PDE8A: variants seen among roughly 807,000 people sequenced by gnomAD.
PDE8A encodes phosphodiesterase 8A.
A neutral mutation model predicts 105.0 loss-of-function variants in PDE8A; 59 were observed. The ratio of observed to expected loss-of-function variants is 0.56; its 90% CI spans 0.46 to 0.70. The LOEUF (loss-of-function observed/expected upper bound fraction) is 0.70, where lower values mean the gene tolerates loss of function less well. Ranked by LOEUF, PDE8A falls within the 30% of genes least tolerant of loss-of-function variation. PDE8A has a pLI of 0.00. For missense variants in PDE8A, 1,014 were observed against 1,045.9 expected, an observed-to-expected ratio of 0.97 and a Z score of 0.42; for synonymous variants, 355 against 371.9, an observed-to-expected ratio of 0.95 and a Z score of 0.52.
At chr15:85,133,637 A>G (rs1490003377) in intron 20 of PDE8A, among the ~76,000 whole-genome samples, 4 of 152,170 alleles carry the variant, frequency 2.6e-5, no homozygotes, top group Non-Finnish European at 5.9e-5. Context: ...CATTTCATGG[A>G]GAAATGAGGA....
chr15:85,050,346 T>C (rs1394829394), intron 1 of PDE8A, among the ~76,000 whole-genome samples: 1 of 152,174 alleles, frequency 6.6e-6, no homozygotes, highest in Non-Finnish European at 1.5e-5. Flanking sequence ...CTTTTTTCTT[T>C]TGCTGCCTGT....
At chr15:85,136,302 A>G (rs1431496147) in intron 20 of PDE8A, among the ~76,000 whole-genome samples, 1 of 152,188 alleles carries the variant, frequency 6.6e-6, no homozygotes, top group Non-Finnish European at 1.5e-5. Flanking sequence ...AGATGTTTAA[A>G]GTTTGGCTTG....
At chr15:85,012,432 G>A (rs1035784953) in intron 1 of PDE8A, among the ~76,000 whole-genome samples, 2 of 151,462 alleles carry the variant, frequency 1.3e-5, no homozygotes, top group Admixed American at 1.3e-4. Context: ...ATCATTCTCA[G>A]TAAACTATCA....
intron 1 of PDE8A, among the ~76,000 whole-genome samples, chr15:85,049,922 G>A (rs1225030997): frequency 2.0e-5 from 3 of 152,150 alleles, no homozygotes; most frequent in Non-Finnish European, 4.4e-5. Flanking sequence ...GTTTTCTGCA[G>A]CAGCTATACC....
intron 1 of PDE8A, among the ~76,000 whole-genome samples, chr15:85,042,914 G>A (rs2080832691): frequency 6.6e-6 from 1 of 152,214 alleles, no homozygotes. Context: ...TACGGGTTAT[G>A]GGAACTGTGG....
At position 85,138,102 on chromosome 15, in the gene PDE8A, T is replaced by C; in HGVS notation, c.*199T>C. The stretch of plus-strand genomic sequence containing the variant: ...TTACTGTCAAGTGAGACTTGGCCAC[T>C]GTAGCCTGGGCCTGCTGCAGGAGCT... On this transcript the variant is annotated 3_prime_UTR_variant, in exon 22 of 22. Coordinates refer to ENST00000394553, the MANE Select transcript of PDE8A (RefSeq NM_002605.3). 1 of 515,544 alleles carries C rather than the reference T, an allele frequency of 1.9e-6. No homozygotes were observed. The highest frequency in any genetic ancestry group is 3.3e-5 in the Admixed American group (1 of 30,570). The allele number at this position is 515,544 out of a possible 1,614,324, so 31.9% of individuals were successfully genotyped here. A position where few individuals can be genotyped will look rare whatever the true frequency, so the allele number is the denominator to read the frequency against.
chr15:85,010,476 G>A (rs2080221579), intron 1 of PDE8A, among the ~76,000 whole-genome samples: 1 of 152,146 alleles, frequency 6.6e-6, no homozygotes, highest in Admixed American at 6.5e-5. Flanking sequence ...ACACAGAAGG[G>A]AGTGTGTAGT....
intron 1 of PDE8A, among the ~76,000 whole-genome samples, chr15:85,019,776 C>T (rs758653137): frequency 1.3e-5 from 2 of 151,978 alleles, no homozygotes; most frequent in Admixed American, 1.3e-4. Flanking sequence ...GACGAGGTTT[C>T]ACTATGTTGG....
Position 85,075,080 on chromosome 15 carries a change from A to G in PDE8A, c.435-782A>G, listed in dbSNP as rs532217135. 2.0e-5 allele frequency among the ~76,000 whole-genome samples: 3 copies of G among 152,312 alleles called. No homozygotes were observed. The South Asian group carries it at 6.2e-4, about 32-fold the overall frequency. The stretch of plus-strand genomic sequence containing the variant: ...TGTAGGATGAGTTCAAAGCTGTTGC[A>G]TATCTCCAGTGGAGCACTTCTTTTC... On this transcript the variant is annotated intron_variant, in intron 3 of 21. Transcript: ENST00000394553.
Position 85,139,096 on chromosome 15 carries a change from T to G in PDE8A, c.*1193T>G, listed in dbSNP as rs554570829. The G allele has an allele frequency of 8.5e-5, 13 of 152,268 alleles. No individual in the cohort carries two copies. The highest frequency in any genetic ancestry group is 5.2e-4 in the Admixed American group (8 of 15,296). 9.4% of individuals were successfully genotyped at this position (152,268 alleles called of 1,614,324 possible). A position where few individuals can be genotyped will look rare whatever the true frequency, so the allele number is the denominator to read the frequency against. ...TTTCATTTTAAACTCGTATTTGTGG[T>G]TTTTTTCCCAGATAAAAATGAAATT... On this transcript the variant is annotated 3_prime_UTR_variant, in exon 22 of 22. Transcript: ENST00000394553.
chr15:85,108,213 A>G (rs1395381008), intron 11 of PDE8A, among the ~76,000 whole-genome samples: 1 of 152,242 alleles, frequency 6.6e-6, no homozygotes, highest in Admixed American at 6.5e-5. Flanking sequence ...TCGATGGTGC[A>G]AAGGAAGTGC....
chr15:85,094,714 A>G (rs2081712855), intron 8 of PDE8A, among the ~76,000 whole-genome samples: 1 of 152,172 alleles, frequency 6.6e-6, no homozygotes, highest in South Asian at 2.1e-4. Context: ...ACAAGCATTG[A>G]TGGCTGTTAA....
intron 1 of PDE8A, among the ~76,000 whole-genome samples, chr15:84,985,199 A>G (rs1177548074): frequency 6.6e-6 from 1 of 152,242 alleles, no homozygotes; most frequent in Non-Finnish European, 1.5e-5. Flanking sequence ...TCAAAGTACA[A>G]GAAATATAAT....
At chr15:85,053,429 G>A (rs1364349256) in intron 1 of PDE8A, among the ~76,000 whole-genome samples, 7 of 152,164 alleles carry the variant, frequency 4.6e-5, no homozygotes, top group Admixed American at 6.5e-5. Flanking sequence ...CCATTTTCAC[G>A]ATATTGATTC....
chr15:85,076,372 T>G (rs1318428103), intron 4 of PDE8A, among the ~76,000 whole-genome samples: 1 of 151,926 alleles, frequency 6.6e-6, no homozygotes, highest in Admixed American at 6.5e-5. Context: ...CTATGTACTT[T>G]AAAGTTTTTT....
chr15:85,061,513 T>C (rs1476900084), intron 1 of PDE8A, among the ~76,000 whole-genome samples: 1 of 152,210 alleles, frequency 6.6e-6, no homozygotes, highest in African/African-American at 2.4e-5. Context: ...GTGCTGGGAT[T>C]ACAGGCGTGA....
rs1013076450 is a variant in PDE8A at position 85,021,416 on chromosome 15, G to T, written c.186+39068G>T. Among the ~76,000 whole-genome samples, 4 of 152,220 alleles carry T rather than the reference G, an allele frequency of 2.6e-5. No individual in the cohort carries two copies. The South Asian group carries it at 8.3e-4, about 32-fold the overall frequency. On this transcript the variant is annotated intron_variant, in intron 1 of 21. Coordinates refer to ENST00000394553, the MANE Select transcript of PDE8A (RefSeq NM_002605.3). ...AATTTAGCTGGGCATGGTGGCCTTT[G>T]CCCGTAGTCCTAGCTACTGGGGTTG...
intron 1 of PDE8A, among the ~76,000 whole-genome samples, chr15:84,999,953 T>G (rs1007723651): frequency 2.0e-5 from 3 of 152,174 alleles, no homozygotes; most frequent in Non-Finnish European, 2.9e-5. Context: ...CCCCTTGATT[T>G]TATAAAACCT....
At chr15:84,988,661 C>T (rs1264711228) in intron 1 of PDE8A, among the ~76,000 whole-genome samples, 3 of 152,220 alleles carry the variant, frequency 2.0e-5, no homozygotes, top group Non-Finnish European at 4.4e-5. Context: ...CCCACCAGTG[C>T]TGCATGTACC....
Sources: gnomAD v4.1 joint callset for allele counts (sites outside exome capture counted in the v4.1 genomes callset) on GRCh38, gnomAD v4.1.1 for gene constraint, MANE v1.5 for transcripts, NCBI Gene and HGNC (gene_info 2026-07-23, HGNC 2026-07-21) for gene names.